The following LMNB2 variants were observed in gnomAD, a reference collection of about 807,000 sequenced individuals.
LMNB2 encodes the protein lamin B2, also known as lamin-B2.
A neutral mutation model predicts 69.3 loss-of-function variants in LMNB2; 17 were observed. That is an observed-to-expected ratio of 0.25 (90% CI 0.17 to 0.37). The LOEUF (loss-of-function observed/expected upper bound fraction) is 0.37. Among genes scored for constraint, LMNB2 ranks in the 10% least tolerant of loss-of-function variants. The pLI is 1.00. For synonymous variants in LMNB2, 397 were observed against 389.3 expected (o/e 1.02, Z -0.23); for missense variants, 789 against 883.6 (o/e 0.89, Z 1.36).
In LMNB2 at chr19:2,434,816, C is replaced by A; in HGVS notation, c.953G>T (p.Ser318Ile). The A allele has an allele frequency of 6.2e-7, 1 of 1,608,770 alleles. No individual in the cohort carries two copies. The highest frequency in any genetic ancestry group is 8.5e-7 in the Non-Finnish European group (1 of 1,178,914). ...CTTCTGGAGGCCGGAGAGCTGGTAGCTGAGGGACTCCAGGCGCATGCGGGC... is the reference window on the plus strand; with the variant it reads ...CTTCTGGAGGCCGGAGAGCTGGTAGATGAGGGACTCCAGGCGCATGCGGGC... ...KEARMRLESL[S>I]YQLSGLQKQA... The change falls in exon 6 of 12, where the codon AGC becomes ATC. Residue 318 changes from serine (S) to isoleucine (I), a missense_variant. Physicochemically the swap from Ser to Ile is moderately radical, Grantham distance 142. This residue lies in a region of LMNB2 where 609 missense variants were observed against 630.9 expected (regional missense o/e 0.97). Transcript: ENST00000325327.
intron 1 of LMNB2, among the ~76,000 whole-genome samples, chr19:2,455,850 C>T (rs549519644): frequency 2.6e-5 from 4 of 151,382 alleles, no homozygotes; most frequent in Non-Finnish European, 5.9e-5. Context: ...TGACCCCACC[C>T]CTGCTCAGGG....
chr19:2,446,861 C>A (rs985295854), intron 1 of LMNB2, among the ~76,000 whole-genome samples: 1 of 152,174 alleles, frequency 6.6e-6, no homozygotes, highest in African/African-American at 2.4e-5. Flanking sequence ...ACACATGGTG[C>A]CGGGCGCAGT....
At chr19:2,442,469 T>C (rs1971909209) in intron 2 of LMNB2, among the ~76,000 whole-genome samples, 2 of 152,148 alleles carry the variant, frequency 1.3e-5, no homozygotes, top group African/African-American at 4.8e-5. Flanking sequence ...TTCAGGAGGC[T>C]GAGGCAGGAG....
At position 2,438,494 on chromosome 19, in the gene LMNB2, C is replaced by T. The variant is rs1173423187; in HGVS notation, c.439G>A (p.Gly147Ser). Residue 147 changes from glycine to serine, a missense_variant, in exon 3 of 12, where the codon GGC becomes AGC. By Grantham distance (56) the Gly-to-Ser change is moderately conservative (BLOSUM62 0). Around this residue, in one of 3 missense-constraint regions of LMNB2, gnomAD observed 145 missense variants for 228.9 expected, o/e 0.63. Transcript: ENST00000325327. The part of the protein sequence containing the change: ...KREGELTVAQ[G>S]RVKDLESLFH... The stretch of plus-strand genomic sequence containing the variant: ...AGGGACTCCAGGTCCTTCACACGGC[C>T]CTGGGCCACCGTAAGCTCGCCCTCC... 4 of 1,610,734 alleles carry T rather than the reference C, an allele frequency of 2.5e-6. No individual in the cohort carries two copies. The highest frequency in any genetic ancestry group is 3.4e-6 in the Non-Finnish European group (4 of 1,179,148).
chr19:2,438,572 C>T (rs754560842), intron 2 of LMNB2, 41 bp from the exon 3 acceptor site: 1 of 1,597,748 alleles, frequency 6.3e-7, no homozygotes, highest in East Asian at 2.2e-5. Context: ...GGGGCAAGGT[C>T]CATGGGGCCA....
Position 2,430,404 on chromosome 19 carries a change from T to C in LMNB2, c.*507A>G, listed in dbSNP as rs1179889619. 9.4e-6 allele frequency: 2 copies of C among 213,750 alleles called. No homozygotes were observed. Among genetic ancestry groups the C allele is most frequent in the African/African-American group, 4.6e-5 (2 of 43,214 alleles). The allele number at this position is 213,750 out of a possible 1,614,324, so 13.2% of individuals were successfully genotyped here. ...TGCTGGCCCACACCCGCTGCGTGGC[T>C]GCCTGAGGAGTTCCCGCTGTCCGAA... is the stretch of plus-strand genomic sequence containing the variant. On this transcript the variant is annotated 3_prime_UTR_variant, in exon 12 of 12. Transcript: ENST00000325327.
At chr19:2,432,955 G>A (rs1375819623) in intron 8 of LMNB2, among the ~76,000 whole-genome samples, 4 of 47,600 alleles carry the variant, frequency 8.4e-5, no homozygotes, top group Admixed American at 2.3e-4. Context: ...GGGTCACCCC[G>A]TTACCCCCAT....
rs751439345 is a variant in LMNB2 at position 2,438,513 on chromosome 19, G to A, written c.420C>T (p.Gly140=). ...CACGGCCCTGGGCCACCGTAAGCTC[G>A]CCCTCCCTCTTCTTGGCGCTGAAAG... ...EVNKSAKKRE[G]ELTVAQGRVK... is the part of the protein sequence containing the mutation. The change falls in exon 3 of 12, where the codon GGC becomes GGT. Residue 140 remains glycine, a synonymous_variant. Transcript: ENST00000325327. The A allele has an allele frequency of 1.2e-5, 20 of 1,609,008 alleles. No homozygotes were observed. Among genetic ancestry groups the A allele is most frequent in the African/African-American group, 8.0e-5 (6 of 74,822 alleles).
chr19:2,431,440 A>ATGATC, intron 11 of LMNB2, 108 bp downstream of exon 11: 3 of 1,431,340 alleles, frequency 2.1e-6, no homozygotes, highest in Non-Finnish European at 2.9e-6. Context: ...CGGCAGCCAG[A>ATGATC]TGGAGCTCCC....
At position 2,434,822 on chromosome 19, in the gene LMNB2, G is replaced by T; in HGVS notation, c.947C>A (p.Ser316Tyr). ...GAGGCCGGAGAGCTGGTAGCTGAGG[G>T]ACTCCAGGCGCATGCGGGCCTCCTT... ...ELKEARMRLESLSYQLSGLQK... is the reference protein window; with the variant it reads ...ELKEARMRLEYLSYQLSGLQK... Residue 316 changes from serine (S) to tyrosine (Y), a missense_variant, in exon 6 of 12, where the codon TCC (serine) becomes TAC (tyrosine). This residue lies in a region of LMNB2 where 609 missense variants were observed against 630.9 expected (regional missense o/e 0.97). Coordinates refer to ENST00000325327, the MANE Select transcript of LMNB2 (RefSeq NM_032737.4). 6.2e-7 allele frequency: 1 copy of T among 1,608,864 alleles called. No individual in the cohort carries two copies. The highest frequency in any genetic ancestry group is 8.5e-7 in the Non-Finnish European group (1 of 1,179,044).
In LMNB2 at chr19:2,453,507, C is replaced by T. The variant is rs554029688; in HGVS notation, c.264+3163G>A. ...GCTTCCAACTCTGCTCCCCACTAGC[C>T]GGGTTCCTGGCCCACTAGTCGCAGG... is the stretch of plus-strand genomic sequence containing the variant. On this transcript the variant is annotated intron_variant, in intron 1 of 11. Coordinates refer to ENST00000325327, the MANE Select transcript of LMNB2 (RefSeq NM_032737.4). This position sits in a 1 kb window ranked among gnomAD's most constrained non-coding sequence, Gnocchi z 4.4. Among the ~76,000 whole-genome samples the T allele has an allele frequency of 1.3e-5, 2 of 152,204 alleles. No homozygotes were observed. The highest frequency in any genetic ancestry group is 6.5e-5 in the Admixed American group (1 of 15,296).
At chr19:2,430,974 GGT>G in intron 11 of LMNB2, 22 bp from the exon 12 acceptor site, 2 of 1,560,900 alleles carry the variant, frequency 1.3e-6, no homozygotes, top group Non-Finnish European at 1.8e-6. Context: ...AAGGAAGGAA[GGT>G]CGGCCATGAT....
Position 2,447,432 on chromosome 19 carries a change from G to C in LMNB2, c.265-2892C>G, listed in dbSNP as rs956707311. Reference sequence around the variant, plus strand: ...GGGGCTGGAGAAGGGGACGGGGAGTGACCGCTGAGGGGGACAGGCTTCTTT... The same window carrying C: ...GGGGCTGGAGAAGGGGACGGGGAGTCACCGCTGAGGGGGACAGGCTTCTTT... On this transcript the variant is annotated intron_variant, in intron 1 of 11. Transcript: ENST00000325327. The surrounding 1 kb of genome is among the most constrained non-coding windows in gnomAD (Gnocchi z 4.4). Among the ~76,000 whole-genome samples, 1 of 152,198 alleles carries C rather than the reference G, an allele frequency of 6.6e-6. No homozygotes were observed. Among genetic ancestry groups the C allele is most frequent in the Admixed American group, 6.6e-5 (1 of 15,264 alleles).
At chr19:2,442,497 A>G (rs1971909384) in intron 2 of LMNB2, among the ~76,000 whole-genome samples, 1 of 152,174 alleles carries the variant, frequency 6.6e-6, no homozygotes. Flanking sequence ...TGAATTTGGG[A>G]GGTGGATGTT....
At chr19:2,449,044 CTAT>C (rs941875064) in intron 1 of LMNB2, among the ~76,000 whole-genome samples, 5 of 152,282 alleles carry the variant, frequency 3.3e-5, no homozygotes, top group Non-Finnish European at 5.9e-5. Context: ...ACACATACTA[CTAT>C]GCCTGCCTAA....
intron 1 of LMNB2, among the ~76,000 whole-genome samples, chr19:2,450,325 T>C (rs935816687): frequency 2.6e-5 from 4 of 152,014 alleles, no homozygotes; most frequent in Admixed American, 2.0e-4. Flanking sequence ...AGTCACTAAA[T>C]GTCACGTGAG....
chr19:2,446,729 T>G (rs893411824), intron 1 of LMNB2, among the ~76,000 whole-genome samples: 3 of 152,064 alleles, frequency 2.0e-5, no homozygotes, highest in Admixed American at 6.6e-5. Flanking sequence ...CTGAGACAGC[T>G]CTACAGAAAA....
At chr19:2,455,326 G>C (rs1972075358) in intron 1 of LMNB2, among the ~76,000 whole-genome samples, 1 of 151,498 alleles carries the variant, frequency 6.6e-6, no homozygotes, top group Non-Finnish European at 1.5e-5. Context: ...AGTCTCCTTG[G>C]AGCCCAGAGA....
intron 1 of LMNB2, among the ~76,000 whole-genome samples, chr19:2,456,312 G>A (rs1265245480): frequency 1.4e-5 from 2 of 142,426 alleles, no homozygotes; most frequent in African/African-American, 2.6e-5. Context: ...CCGAGCCGGA[G>A]CCTGTCCCCG....
Sources: gnomAD v4.1 joint callset for allele counts (sites outside exome capture counted in the v4.1 genomes callset) on GRCh38, gnomAD v4.1.1 for gene constraint, gnomAD v4.1.1 regional missense constraint, Gnocchi (gnomAD v3.1) non-coding constraint, MANE v1.5 for transcripts, NCBI Gene and HGNC (gene_info 2026-07-23, HGNC 2026-07-21) for gene names.